CFAP61: variants seen among roughly 807,000 people sequenced by gnomAD.
The protein encoded by CFAP61 is cilia- and flagella-associated protein 61.
Under a neutral mutation model 135.6 loss-of-function variants are expected in CFAP61, and 107 were observed. The observed-to-expected ratio is 0.79, with a 90% CI of 0.67 to 0.93. The LOEUF is 0.93. Among genes scored for constraint, CFAP61 ranks in the 40% least tolerant of loss-of-function variants. The pLI, the probability that CFAP61 is intolerant of heterozygous loss-of-function variation, is 0.00. For missense variants in CFAP61, 1,507 were observed against 1,556.2 expected (o/e 0.97, Z 0.53); for synonymous variants, 575 against 578.5 (o/e 0.99, Z 0.09).
intron 6 of CFAP61, among the ~76,000 whole-genome samples, chr20:20,089,701 G>A (rs555531999): frequency 6.6e-6 from 1 of 152,082 alleles, no homozygotes; most frequent in Non-Finnish European, 1.5e-5. Flanking sequence ...GCAGCAAGAT[G>A]GAACACAGGA....
At chr20:20,267,255 G>A (rs756852778) in intron 21 of CFAP61, among the ~76,000 whole-genome samples, 5 of 152,194 alleles carry the variant, frequency 3.3e-5, no homozygotes, top group Non-Finnish European at 5.9e-5. Flanking sequence ...GGCCAACAAC[G>A]TGGGCTGGGC....
At chr20:20,066,358 C>T (rs1402703834) in intron 2 of CFAP61, among the ~76,000 whole-genome samples, 7 of 152,166 alleles carry the variant, frequency 4.6e-5, no homozygotes, top group African/African-American at 1.7e-4. Context: ...AATCATTCTA[C>T]TATAAAGACA....
intron 6 of CFAP61, among the ~76,000 whole-genome samples, chr20:20,079,273 C>A (rs970857096): frequency 1.3e-5 from 2 of 152,190 alleles, no homozygotes; most frequent in African/African-American, 4.8e-5. Flanking sequence ...TCCTCTGTGC[C>A]AACCTTGCCA....
chr20:20,064,732 G>A (rs942873922), intron 2 of CFAP61, among the ~76,000 whole-genome samples: 7 of 152,144 alleles, frequency 4.6e-5, no homozygotes, highest in Non-Finnish European at 8.8e-5. Flanking sequence ...GAAGTGGGGG[G>A]ACTACGGTAT....
intron 25 of CFAP61, among the ~76,000 whole-genome samples, chr20:20,314,185 A>G (rs1253857760): frequency 7.1e-6 from 1 of 140,442 alleles, no homozygotes; most frequent in African/African-American, 2.7e-5. Flanking sequence ...GGCATTCAAG[A>G]GGAGCCTGGG....
Position 20,251,653 on chromosome 20 carries a change from G to C in CFAP61, c.2218G>C (p.Val740Leu). 3 of 1,614,216 alleles carry C rather than the reference G, an allele frequency of 1.9e-6. No homozygotes were observed. The highest frequency in any genetic ancestry group is 2.5e-6 in the Non-Finnish European group (3 of 1,180,026). Residue 740 changes from valine (V) to leucine (L), a missense_variant, in exon 20 of 27, where the codon GTG (valine) becomes CTG (leucine). By Grantham distance (32) the Val-to-Leu change is conservative. Coordinates refer to ENST00000245957, the MANE Select transcript of CFAP61 (RefSeq NM_015585.4). ...GTCACTGTGCTCCTGGGTTAATGTC[G>C]TGGTGGGTAGAATGACCGGCATAGA... ...LMSLCSWVNVVVGRMTGIDRA... is the reference protein window; with the variant it reads ...LMSLCSWVNVLVGRMTGIDRA...
intron 18 of CFAP61, among the ~76,000 whole-genome samples, chr20:20,241,908 G>C (rs983643317): frequency 6.6e-6 from 1 of 152,124 alleles, no homozygotes; most frequent in African/African-American, 2.4e-5. Flanking sequence ...TATGTTATTT[G>C]AAGATATTAA....
At chr20:20,172,649 G>A (rs2054308891) in intron 13 of CFAP61, among the ~76,000 whole-genome samples, 1 of 152,146 alleles carries the variant, frequency 6.6e-6, no homozygotes, top group South Asian at 2.1e-4. Flanking sequence ...GTAGTTTTAG[G>A]TTTACAGCAA....
At chr20:20,116,587 C>T (rs1227245467) in intron 8 of CFAP61, among the ~76,000 whole-genome samples, 1 of 152,056 alleles carries the variant, frequency 6.6e-6, no homozygotes, top group East Asian at 1.9e-4. Flanking sequence ...AGATTTTCAT[C>T]CATTTTTATT....
At chr20:20,351,100 T>C (rs2058817765) in intron 26 of CFAP61, among the ~76,000 whole-genome samples, 1 of 152,190 alleles carries the variant, frequency 6.6e-6, no homozygotes, top group Non-Finnish European at 1.5e-5. Flanking sequence ...TCAGAATTCC[T>C]AGCCAGAGCA....
In CFAP61 at chr20:20,247,323, G is replaced by A. The variant is rs189058090; in HGVS notation, c.2159+1108G>A. ...TGAAAGTTTCCCTCAATCCCATGTTGCGTGTGTTTCAGGAGAAAACAGCTA... is the reference window on the plus strand; with the variant it reads ...TGAAAGTTTCCCTCAATCCCATGTTACGTGTGTTTCAGGAGAAAACAGCTA... On this transcript the variant is annotated intron_variant, in intron 19 of 26. Transcript: ENST00000245957. 3.9e-5 allele frequency among the ~76,000 whole-genome samples: 6 copies of A among 152,298 alleles called. No homozygotes were observed. The East Asian group carries it at 5.8e-4, about 15-fold the overall frequency.
At chr20:20,223,095 A>G (rs534206410) in intron 17 of CFAP61, among the ~76,000 whole-genome samples, 1 of 152,170 alleles carries the variant, frequency 6.6e-6, no homozygotes, top group Admixed American at 6.5e-5. Context: ...AATTGAGCTC[A>G]TTGTTTTGCC....
At chr20:20,200,431 T>G (rs538722066) in intron 17 of CFAP61, among the ~76,000 whole-genome samples, 1 of 152,222 alleles carries the variant, frequency 6.6e-6, no homozygotes, top group South Asian at 2.1e-4. Context: ...CAGGAGTTTC[T>G]GACCTTAAAA....
In CFAP61 at chr20:20,210,462, C is replaced by T. The variant is rs77310238; in HGVS notation, c.1932+10560C>T. ...TGGAAACAAAACAGCACAGAATTGA[C>T]GCATTTGTTCTCTGGGGCTGGGTCT... On this transcript the variant is annotated intron_variant, in intron 17 of 26. Transcript: ENST00000245957. Among the ~76,000 whole-genome samples, 1,339 of 152,336 alleles carry T rather than the reference C, an allele frequency of 8.8e-3. 22 individuals carry two copies. The highest frequency in any genetic ancestry group is 0.031 in the African/African-American group (1,273 of 41,572).
chr20:20,247,365 C>T (rs1478813033), intron 19 of CFAP61, among the ~76,000 whole-genome samples: 1 of 152,200 alleles, frequency 6.6e-6, no homozygotes, highest in Non-Finnish European at 1.5e-5. Flanking sequence ...GGGCTTTCTG[C>T]AGGTGTGACG....
At chr20:20,101,107 A>G (rs1429443025) in intron 8 of CFAP61, among the ~76,000 whole-genome samples, 1 of 152,218 alleles carries the variant, frequency 6.6e-6, no homozygotes, top group African/African-American at 2.4e-5. Context: ...ATATCTAAGA[A>G]AAGAGTCATC....
intron 15 of CFAP61, 49 bp from the exon 16 acceptor site, chr20:20,196,521 C>T (rs147983212): frequency 1.1e-5 from 15 of 1,324,732 alleles, no homozygotes; most frequent in East Asian, 2.3e-5. Context: ...AAATGCATGC[C>T]GTTTGTTTAA....
At chr20:20,102,779 C>T (rs1335572750) in intron 8 of CFAP61, among the ~76,000 whole-genome samples, 1 of 152,118 alleles carries the variant, frequency 6.6e-6, no homozygotes, top group Non-Finnish European at 1.5e-5. Context: ...CCAAAATAAA[C>T]TGCTTATTCT....
intron 17 of CFAP61, among the ~76,000 whole-genome samples, chr20:20,213,899 ATC>A (rs72052231): frequency 6.7e-4 from 98 of 146,458 alleles, no homozygotes; most frequent in Non-Finnish European, 7.7e-4. Context: ...ATGGTGTGCA[ATC>A]TCTCTCTCTC....
Sources: gnomAD v4.1 joint callset for allele counts (sites outside exome capture counted in the v4.1 genomes callset) on GRCh38, gnomAD v4.1.1 for gene constraint, MANE v1.5 for transcripts, NCBI Gene and HGNC (gene_info 2026-07-23, HGNC 2026-07-21) for gene names.